The following SDK1 variants were observed in gnomAD, a reference collection of about 807,000 sequenced individuals.
The protein encoded by SDK1 is sidekick cell adhesion molecule 1, also known as protein sidekick-1.
Under a neutral mutation model 245.5 loss-of-function variants are expected in SDK1, and 157 were observed. The ratio of observed to expected loss-of-function variants is 0.64; its 90% CI spans 0.56 to 0.73. The LOEUF is 0.73. Ranked by LOEUF, SDK1 falls within the 30% of genes least tolerant of loss-of-function variation. The probability of loss-of-function intolerance (pLI) is 0.00; values close to 1 mark genes in which losing one functional copy is unlikely to be tolerated. For missense variants in SDK1, 3,583 were observed against 3,002.3 expected (o/e 1.19, Z -4.52); for synonymous variants, 1,647 against 1,278.5 (o/e 1.29, Z -6.15).
intron 1 of SDK1, among the ~76,000 whole-genome samples, chr7:3,483,238 A>G (rs187897755): frequency 5.3e-5 from 8 of 152,328 alleles, no homozygotes; most frequent in East Asian, 1.9e-4. Flanking sequence ...TGAATAGAGT[A>G]TATCTTTTAG....
chr7:3,785,419 T>G (rs1282988869), intron 4 of SDK1, among the ~76,000 whole-genome samples: 1 of 152,192 alleles, frequency 6.6e-6, no homozygotes, highest in Non-Finnish European at 1.5e-5. Flanking sequence ...ATTCCACATT[T>G]TATTAATCAA....
chr7:3,921,212 T>C (rs1231379269), intron 5 of SDK1, among the ~76,000 whole-genome samples: 2 of 152,192 alleles, frequency 1.3e-5, no homozygotes, highest in Non-Finnish European at 1.5e-5. Flanking sequence ...AAAAATACAT[T>C]TTTTAGCAAA....
At chr7:3,585,311 G>A (rs1390064613) in intron 1 of SDK1, among the ~76,000 whole-genome samples, 2 of 152,150 alleles carry the variant, frequency 1.3e-5, no homozygotes, top group Admixed American at 6.5e-5. Flanking sequence ...AATAAAATAA[G>A]GAGAGGAAAC....
intron 1 of SDK1, among the ~76,000 whole-genome samples, chr7:3,361,198 C>G (rs1336669240): frequency 1.3e-5 from 2 of 152,154 alleles, no homozygotes; most frequent in Non-Finnish European, 2.9e-5. Context: ...TGCCTGTAAA[C>G]TCTTCGGGAG....
At chr7:3,612,510 C>G (rs993147602) in intron 1 of SDK1, among the ~76,000 whole-genome samples, 4 of 152,140 alleles carry the variant, frequency 2.6e-5, no homozygotes, top group Admixed American at 2.6e-4. Flanking sequence ...ACTACACTTA[C>G]CAGAAAAGGA....
At chr7:3,643,952 A>T (rs1782738674) in intron 4 of SDK1, among the ~76,000 whole-genome samples, 1 of 150,440 alleles carries the variant, frequency 6.6e-6, no homozygotes, top group African/African-American at 2.4e-5. Context: ...ACCCAGGCTG[A>T]GGTACAGTGG....
At chr7:4,114,337 A>C (rs866012541) in intron 25 of SDK1, 63 bp downstream of exon 25, 5 of 1,294,390 alleles carry the variant, frequency 3.9e-6, no homozygotes, top group Non-Finnish European at 1.1e-6. Flanking sequence ...AGTGCCCCTG[A>C]GCCTCCAGAT....
At chr7:4,017,023 G>C (rs533819832) in intron 16 of SDK1, 148 bp from the exon 17 acceptor site, 1 of 655,146 alleles carries the variant, frequency 1.5e-6, no homozygotes, top group African/African-American at 1.8e-5. Context: ...CATCGAGTTG[G>C]GAAATAGTAT....
intron 42 of SDK1, among the ~76,000 whole-genome samples, chr7:4,241,486 A>G (rs1317476836): frequency 2.6e-5 from 4 of 152,174 alleles, no homozygotes; most frequent in African/African-American, 7.2e-5. Flanking sequence ...ACAAACAAAC[A>G]AAAAATCAAA....
At chr7:4,131,686 T>A (rs1382730321) in intron 27 of SDK1, among the ~76,000 whole-genome samples, 2 of 152,110 alleles carry the variant, frequency 1.3e-5, no homozygotes. Context: ...ACAACCCTAT[T>A]ATTCAGCAGT....
At chr7:3,991,897 A>G (rs990518772) in intron 14 of SDK1, among the ~76,000 whole-genome samples, 3 of 152,214 alleles carry the variant, frequency 2.0e-5, no homozygotes, top group Non-Finnish European at 4.4e-5. Context: ...ATTAGCAACA[A>G]ATGCCCTTAA....
At chr7:4,146,053 A>G (rs663486) in intron 29 of SDK1, 137 bp downstream of exon 29, 575,160 of 725,596 alleles carry the variant, frequency 0.79, 229,561 homozygotes, top group African/African-American at 0.94. Context: ...GAGCATTTAC[A>G]AAGCACCCAT....
intron 4 of SDK1, among the ~76,000 whole-genome samples, chr7:3,789,726 C>A (rs867795995): frequency 1.3e-5 from 2 of 152,052 alleles, no homozygotes; most frequent in African/African-American, 4.8e-5. Context: ...GTGTGAGGTA[C>A]GAGGGAAAAG....
intron 1 of SDK1, among the ~76,000 whole-genome samples, chr7:3,469,130 G>A (rs1456301321): frequency 6.6e-6 from 1 of 152,068 alleles, no homozygotes; most frequent in Non-Finnish European, 1.5e-5. Flanking sequence ...TGTCAATTAT[G>A]TAATTCCATC....
chr7:3,501,211 A>C (rs971512104), intron 1 of SDK1, among the ~76,000 whole-genome samples: 1 of 152,086 alleles, frequency 6.6e-6, no homozygotes, highest in African/African-American at 2.4e-5. Flanking sequence ...AACTTTTGTC[A>C]GTATCTTTTC....
chr7:3,920,284 G>A (rs1583565726), intron 5 of SDK1, among the ~76,000 whole-genome samples: 1 of 152,192 alleles, frequency 6.6e-6, no homozygotes, highest in Non-Finnish European at 1.5e-5. Context: ...GGCACAGGCT[G>A]CAGCATGTAG....
At chr7:4,245,359 G>A (rs898117537) in intron 43 of SDK1, among the ~76,000 whole-genome samples, 4 of 152,002 alleles carry the variant, frequency 2.6e-5, no homozygotes, top group African/African-American at 7.3e-5. Context: ...TAAGCTCCCC[G>A]GCCTCCTATC....
chr7:3,614,989 T>A (rs1237724891), intron 1 of SDK1, among the ~76,000 whole-genome samples: 1 of 151,618 alleles, frequency 6.6e-6, no homozygotes, highest in East Asian at 1.9e-4. Flanking sequence ...TGTTTAACTA[T>A]AAAGTCCATG....
intron 5 of SDK1, among the ~76,000 whole-genome samples, chr7:3,881,924 A>G (rs927676634): frequency 6.6e-6 from 1 of 152,144 alleles, no homozygotes; most frequent in African/African-American, 2.4e-5. Context: ...ATTACCAGCT[A>G]TATTAGTCCA....
Sources: allele counts gnomAD v4.1 joint callset (sites outside exome capture counted in the v4.1 genomes callset), GRCh38; gene constraint gnomAD v4.1.1; transcripts MANE v1.5; gene names NCBI Gene and HGNC (gene_info 2026-07-23, HGNC 2026-07-21).